Variants in ENTREP2 observed in about 807,000 individuals in gnomAD.
The protein encoded by ENTREP2 is endosomal transmembrane epsin interactor 2.
chr15:29,526,225 A>C, the ENTREP2 span, among the ~76,000 whole-genome samples: 1 of 152,178 alleles, frequency 6.6e-6, no homozygotes, highest in Non-Finnish European at 1.5e-5. Context: ...CAAACAACTC[A>C]ATCATCTGGT....
the ENTREP2 span, among the ~76,000 whole-genome samples, chr15:29,466,597 T>C: frequency 1.5e-5 from 2 of 134,244 alleles, no homozygotes; most frequent in Admixed American, 7.3e-5. Context: ...GGGAGGATGC[T>C]GCAGCCCCCA....
chr15:29,428,407 G>A, the ENTREP2 span, among the ~76,000 whole-genome samples: 1 of 151,988 alleles, frequency 6.6e-6, no homozygotes, highest in African/African-American at 2.4e-5. Flanking sequence ...CAGAGATGGG[G>A]TTTCACCATG....
At chr15:29,544,667 G>C in the ENTREP2 span, among the ~76,000 whole-genome samples, 14 of 152,246 alleles carry the variant, frequency 9.2e-5, no homozygotes, top group African/African-American at 3.4e-4. Context: ...TCAACAAAGA[G>C]ATCTTTTACT....
chr15:29,257,342 GGATTACAGGC>G, the ENTREP2 span, among the ~76,000 whole-genome samples: 38 of 152,190 alleles, frequency 2.5e-4, no homozygotes, highest in Middle Eastern at 6.8e-3. Context: ...CAAAGTGCTG[GGATTACAGGC>G]GTGAGCCACC....
At chr15:29,170,307 C>CAAAAAAAAAAAAAA in the ENTREP2 span, among the ~76,000 whole-genome samples, 1 of 57,380 alleles carries the variant, frequency 1.7e-5, no homozygotes, top group African/African-American at 9.2e-5. Flanking sequence ...GACTCCATCT[C>CAAAAAAAAAAAAAA]AAAAAAAAAA....
the ENTREP2 span, chr15:29,373,628 T>TTTA: frequency 6.6e-6 from 1 of 152,030 alleles, no homozygotes; most frequent in Admixed American, 6.6e-5. Context: ...TTTGCTTTCT[T>TTTA]TTATTTTTAT....
chr15:29,301,998 T>C, the ENTREP2 span, among the ~76,000 whole-genome samples: 2 of 152,182 alleles, frequency 1.3e-5, no homozygotes, highest in Admixed American at 1.3e-4. Flanking sequence ...TATGGTATTT[T>C]GTTATAGCAG....
the ENTREP2 span, among the ~76,000 whole-genome samples, chr15:29,536,830 G>A: frequency 6.6e-6 from 1 of 152,084 alleles, no homozygotes; most frequent in East Asian, 1.9e-4. Context: ...GGTGAAGACG[G>A]AGGCAGAGAC....
the ENTREP2 span, chr15:29,375,491 A>C: frequency 2.6e-5 from 4 of 152,270 alleles, no homozygotes; most frequent in African/African-American, 9.7e-5. Context: ...TAGCCTCCTT[A>C]ACTCAGCAGG....
the ENTREP2 span, among the ~76,000 whole-genome samples, chr15:29,482,673 A>G: frequency 2.3e-4 from 35 of 152,220 alleles, no homozygotes; most frequent in Non-Finnish European, 3.8e-4. Flanking sequence ...TTGATAGCTC[A>G]TTTCTTTTTA....
chr15:29,150,569 G>C, the ENTREP2 span, among the ~76,000 whole-genome samples: 1 of 152,158 alleles, frequency 6.6e-6, no homozygotes, highest in Admixed American at 6.5e-5. Flanking sequence ...AGGCCCCGAT[G>C]AACAAGGGCA....
chr15:29,413,321 G>A, the ENTREP2 span, among the ~76,000 whole-genome samples: 2 of 151,836 alleles, frequency 1.3e-5, no homozygotes, highest in East Asian at 3.9e-4. Context: ...CTGTCTGATA[G>A]ATCAACAATC....
the ENTREP2 span, among the ~76,000 whole-genome samples, chr15:29,157,917 G>A: frequency 6.6e-6 from 1 of 152,062 alleles, no homozygotes; most frequent in African/African-American, 2.4e-5. Flanking sequence ...TTTTAGTAGA[G>A]ACGGGGTTTC....
At chr15:29,187,127 C>T in the ENTREP2 span, among the ~76,000 whole-genome samples, 8 of 152,162 alleles carry the variant, frequency 5.3e-5, no homozygotes, top group African/African-American at 1.9e-4. Context: ...CTGAAAACTG[C>T]ATCCGTCATC....
At chr15:29,287,668 A>C in the ENTREP2 span, among the ~76,000 whole-genome samples, 1 of 152,356 alleles carries the variant, frequency 6.6e-6, no homozygotes, top group South Asian at 2.1e-4. Flanking sequence ...TGCTACGGTA[A>C]AGATATCAAT....
At chr15:29,536,678 G>T in the ENTREP2 span, among the ~76,000 whole-genome samples, 1 of 151,664 alleles carries the variant, frequency 6.6e-6, no homozygotes, top group African/African-American at 2.4e-5. Flanking sequence ...TATTTGGAAA[G>T]AAGGTCTTTG....
the ENTREP2 span, among the ~76,000 whole-genome samples, chr15:29,571,911 C>G: frequency 6.6e-6 from 1 of 151,784 alleles, no homozygotes; most frequent in Admixed American, 6.6e-5. Context: ...CGTGAAAAGG[C>G]AAAGTTCAGA....
the ENTREP2 span, among the ~76,000 whole-genome samples, chr15:29,444,787 C>G: frequency 6.6e-6 from 1 of 152,172 alleles, no homozygotes; most frequent in African/African-American, 2.4e-5. Flanking sequence ...TTTCCTTTCA[C>G]AAATGCGTGG....
At chr15:29,120,152 G>A in the ENTREP2 span, 2 of 152,188 alleles carry the variant, frequency 1.3e-5, no homozygotes, top group African/African-American at 2.4e-5. Context: ...CAGGCTCCCC[G>A]GCTGGCTACT....
Sources: gnomAD v4.1 joint callset for allele counts (sites outside exome capture counted in the v4.1 genomes callset) on GRCh38, gnomAD v4.1.1 for gene constraint, MANE v1.5 for transcripts, NCBI Gene and HGNC (gene_info 2026-07-23, HGNC 2026-07-21) for gene names.